The following RSBN1L variants were observed in gnomAD, a reference collection of about 807,000 sequenced individuals.
The protein encoded by RSBN1L is round spermatid basic protein 1 like.
In RSBN1L, 30 loss-of-function variants were observed where a neutral mutation model predicts 67.7. That is an observed-to-expected ratio of 0.44 (90% CI 0.33 to 0.60). The LOEUF (loss-of-function observed/expected upper bound fraction) is 0.60. Among genes scored for constraint, RSBN1L ranks in the 20% least tolerant of loss-of-function variants. The probability of loss-of-function intolerance (pLI) is 0.02; values close to 1 mark genes in which losing one functional copy is unlikely to be tolerated. For missense variants in RSBN1L, 992 were observed against 1,031.7 expected, an observed-to-expected ratio of 0.96 and a Z score of 0.53; for synonymous variants, 433 against 387.0, an observed-to-expected ratio of 1.12 and a Z score of -1.39.
Position 77,749,594 on chromosome 7 carries a change from G to A in RSBN1L, c.874G>A (p.Ala292Thr). Residue 292 changes from alanine to threonine, a missense_variant, in exon 3 of 8, where the codon GCC becomes ACC. This residue lies in a region of RSBN1L where 575 missense variants were observed against 483.2 expected (regional missense o/e 1.19). Coordinates refer to ENST00000334955, the MANE Select transcript of RSBN1L (RefSeq NM_198467.3). ...GLLTDVEDQA[A>T]KGILNDNIKD... ...GCTAACTGATGTTGAAGATCAAGCAGCCAAAGGCATCCTAAATGATAACAT... is the reference window on the plus strand; with the variant it reads ...GCTAACTGATGTTGAAGATCAAGCAACCAAAGGCATCCTAAATGATAACAT... 6.2e-7 allele frequency: 1 copy of A among 1,613,980 alleles called. No individual in the cohort carries two copies. The highest frequency in any genetic ancestry group is 1.1e-5 in the South Asian group (1 of 91,036).
At chr7:77,720,752 A>ATTTTCT (rs1176098179) in intron 1 of RSBN1L, among the ~76,000 whole-genome samples, 1 of 130,016 alleles carries the variant, frequency 7.7e-6, no homozygotes. Flanking sequence ...TTTCTTTTTC[A>ATTTTCT]TTTTCTTTTT....
At chr7:77,706,552 C>A (rs1182577633) in intron 1 of RSBN1L, among the ~76,000 whole-genome samples, 1 of 152,090 alleles carries the variant, frequency 6.6e-6, no homozygotes, top group Non-Finnish European at 1.5e-5. Context: ...CTAACCATTT[C>A]ATTGGGGGTT....
At chr7:77,698,156 A>T (rs543948836) in intron 1 of RSBN1L, among the ~76,000 whole-genome samples, 116 of 152,348 alleles carry the variant, frequency 7.6e-4, no homozygotes, top group African/African-American at 2.5e-3. Flanking sequence ...AACATGCTGC[A>T]TGTGCATGTA....
chr7:77,698,778 A>G (rs1195506989), intron 1 of RSBN1L, among the ~76,000 whole-genome samples: 1 of 152,280 alleles, frequency 6.6e-6, no homozygotes, highest in African/African-American at 2.4e-5. Context: ...TGGAGTAGTG[A>G]CAAGATATTA....
chr7:77,761,434 C>T (rs1791695927), intron 3 of RSBN1L, among the ~76,000 whole-genome samples: 3 of 152,220 alleles, frequency 2.0e-5, no homozygotes, highest in Admixed American at 2.0e-4. Flanking sequence ...TTCCACCTCA[C>T]CGCCCTTGAG....
At chr7:77,736,958 A>G (rs561474612) in intron 2 of RSBN1L, among the ~76,000 whole-genome samples, 10 of 152,170 alleles carry the variant, frequency 6.6e-5, no homozygotes, top group South Asian at 6.2e-4. Flanking sequence ...TAGAGGGAAC[A>G]TTTTACTCTG....
chr7:77,705,273 A>G (rs1790875597), intron 1 of RSBN1L, among the ~76,000 whole-genome samples: 1 of 152,160 alleles, frequency 6.6e-6, no homozygotes, highest in Admixed American at 6.6e-5. Flanking sequence ...TCCTGTATTC[A>G]TAATTTTTAA....
At chr7:77,759,726 G>C (rs1052945419) in intron 3 of RSBN1L, 2 of 152,092 alleles carry the variant, frequency 1.3e-5, no homozygotes, top group African/African-American at 2.4e-5. Flanking sequence ...ATTTATGGTG[G>C]ATCACTATGA....
intron 1 of RSBN1L, among the ~76,000 whole-genome samples, chr7:77,701,731 A>G (rs1341758935): frequency 6.8e-6 from 1 of 147,084 alleles, no homozygotes; most frequent in Non-Finnish European, 1.5e-5. Flanking sequence ...GGCTCACTGC[A>G]GTCTCTGCCT....
chr7:77,719,130 A>T (rs1033891069), intron 1 of RSBN1L, among the ~76,000 whole-genome samples: 2 of 152,166 alleles, frequency 1.3e-5, no homozygotes, highest in Non-Finnish European at 2.9e-5. Context: ...GTCTGAACCA[A>T]TTTCTCACTG....
intron 5 of RSBN1L, among the ~76,000 whole-genome samples, chr7:77,769,934 T>G (rs1791824562): frequency 6.6e-6 from 1 of 152,204 alleles, no homozygotes; most frequent in African/African-American, 2.4e-5. Flanking sequence ...CATAAAACTC[T>G]TTGATCTAGC....
chr7:77,749,773 A>G lies in RSBN1L; in HGVS notation c.1053A>G (p.Ile351Met). Residue 351 changes from isoleucine (I) to methionine (M), a missense_variant, in exon 3 of 8, where the codon ATA becomes ATG. Physicochemically the swap from Ile to Met is conservative, Grantham distance 10 (BLOSUM62 1). Coordinates refer to ENST00000334955, the MANE Select transcript of RSBN1L (RefSeq NM_198467.3). ...TGGAATTTAAACAACTCATTCATATAGAGCACCAGCCTAATGGAGGTGCAT... is the reference window on the plus strand; with the variant it reads ...TGGAATTTAAACAACTCATTCATATGGAGCACCAGCCTAATGGAGGTGCAT... ...DTLEFKQLIH[I>M]EHQPNGGASV... is the part of the protein sequence containing the mutation. 1.2e-6 allele frequency: 2 copies of G among 1,614,212 alleles called. No individual in the cohort carries two copies. The highest frequency in any genetic ancestry group is 1.3e-5 in the African/African-American group (1 of 75,070).
chr7:77,724,092 C>G (rs1791159550), intron 1 of RSBN1L, among the ~76,000 whole-genome samples: 1 of 152,024 alleles, frequency 6.6e-6, no homozygotes, highest in Admixed American at 6.6e-5. Context: ...ATAATTATTT[C>G]TAATTTTCTC....
At chr7:77,771,957 A>T (rs989043794) in intron 5 of RSBN1L, among the ~76,000 whole-genome samples, 1 of 152,160 alleles carries the variant, frequency 6.6e-6, no homozygotes. Context: ...AGGAACTTCC[A>T]TTCACTTCAG....
chr7:77,736,544 AT>A lies in RSBN1L; in HGVS notation c.703+22del. The A allele has an allele frequency of 1.6e-6, 2 of 1,282,896 alleles. No individual in the cohort carries two copies. Among genetic ancestry groups the A allele is most frequent in the Non-Finnish European group, 2.1e-6 (2 of 944,142 alleles). The allele number at this position is 1,282,896 out of a possible 1,614,324, so 79.5% of individuals were successfully genotyped here. On this transcript the variant is annotated intron_variant, in intron 2 of 7. Coordinates refer to ENST00000334955, the MANE Select transcript of RSBN1L (RefSeq NM_198467.3). The stretch of plus-strand genomic sequence containing the variant: ...GCTGAAAAGTAAGTTTTATTCAGTG[AT>A]TTTAGTTCTACTTTATTATACTGTT...
At chr7:77,726,608 A>G (rs1010128758) in intron 1 of RSBN1L, among the ~76,000 whole-genome samples, 1 of 151,992 alleles carries the variant, frequency 6.6e-6, no homozygotes, top group Non-Finnish European at 1.5e-5. Context: ...TTAGTATCCC[A>G]TCTACTTTTT....
intron 1 of RSBN1L, among the ~76,000 whole-genome samples, chr7:77,712,352 G>A (rs1003065780): frequency 2.0e-5 from 3 of 150,708 alleles, no homozygotes; most frequent in African/African-American, 7.3e-5. Context: ...GTGCAGTCTC[G>A]GCTCACTGCA....
At chr7:77,702,890 A>G (rs764487730) in intron 1 of RSBN1L, among the ~76,000 whole-genome samples, 2 of 152,042 alleles carry the variant, frequency 1.3e-5, no homozygotes, top group South Asian at 4.1e-4. Context: ...TACCAATTTT[A>G]TTGGATTGGG....
chr7:77,764,537 C>A (rs1296724557), intron 3 of RSBN1L, among the ~76,000 whole-genome samples: 1 of 152,092 alleles, frequency 6.6e-6, no homozygotes, highest in African/African-American at 2.4e-5. Flanking sequence ...AACCACAGCT[C>A]AAGGAACGCA....
Sources: allele counts gnomAD v4.1 joint callset (sites outside exome capture counted in the v4.1 genomes callset), GRCh38; gene constraint gnomAD v4.1.1; regional missense constraint gnomAD v4.1.1; transcripts MANE v1.5; gene names NCBI Gene and HGNC (gene_info 2026-07-23, HGNC 2026-07-21).